The following SPSB1 variants were observed in gnomAD, a reference collection of about 807,000 sequenced individuals.
SPSB1 encodes the protein splA/ryanodine receptor domain and SOCS box containing 1, also known as SPRY domain-containing SOCS box protein 1.
SPSB1 carries 8 observed loss-of-function variants against 21.2 expected under a neutral mutation model. That is an observed-to-expected ratio of 0.38 (90% CI 0.22 to 0.68). The LOEUF (loss-of-function observed/expected upper bound fraction) is 0.68, where lower values mean the gene tolerates loss of function less well. Among genes scored for constraint, SPSB1 ranks in the 30% least tolerant of loss-of-function variants. The pLI, the probability that SPSB1 is intolerant of heterozygous loss-of-function variation, is 0.53. For synonymous variants in SPSB1, 169 were observed against 161.7 expected (o/e 1.05, Z -0.34); for missense variants, 242 against 377.8 (o/e 0.64, Z 2.98).
chr1:9,332,981 G>A (rs553440885), intron 1 of SPSB1, among the ~76,000 whole-genome samples: 40 of 152,366 alleles, frequency 2.6e-4, no homozygotes, highest in Non-Finnish European at 5.1e-4. Context: ...CCTGGGCTCC[G>A]TGGCTGAGAC....
At chr1:9,342,735 G>A (rs182113903) in intron 1 of SPSB1, among the ~76,000 whole-genome samples, 237 of 152,266 alleles carry the variant, frequency 1.6e-3, no homozygotes, top group African/African-American at 5.5e-3. Context: ...GGACTCCTCC[G>A]GAGAAACTCC....
chr1:9,350,042 A>C (rs1029807472), intron 1 of SPSB1, among the ~76,000 whole-genome samples: 6 of 152,026 alleles, frequency 3.9e-5, no homozygotes, highest in African/African-American at 1.4e-4. Flanking sequence ...GACACACCAC[A>C]CACATATACA....
Position 9,346,188 on chromosome 1 carries a change from A to T in SPSB1, c.-149-9555A>T, listed in dbSNP as rs1459230429. 6.6e-6 allele frequency among the ~76,000 whole-genome samples: 1 copy of T among 152,260 alleles called. No homozygotes were observed. The highest frequency in any genetic ancestry group is 1.5e-5 in the Non-Finnish European group (1 of 68,048). On this transcript the variant is annotated intron_variant, in intron 1 of 2. Coordinates refer to ENST00000328089, the MANE Select transcript of SPSB1 (RefSeq NM_025106.4). The surrounding 1 kb of genome is among the most constrained non-coding windows in gnomAD (Gnocchi z 4.4). Reference sequence around the variant, plus strand: ...CCTGGGCTGCCACCACTGATGTGTGAGACGGGGCGGCAGAGGGAGGGAACT... The same window carrying T: ...CCTGGGCTGCCACCACTGATGTGTGTGACGGGGCGGCAGAGGGAGGGAACT...
intron 1 of SPSB1, among the ~76,000 whole-genome samples, chr1:9,304,356 C>T (rs1276109830): frequency 6.6e-6 from 1 of 152,192 alleles, no homozygotes; most frequent in Admixed American, 6.5e-5. Context: ...CCTCCATAAC[C>T]GATGAGCCAG....
rs1222227588 is a variant in SPSB1 at position 9,368,455 on chromosome 1, G to A, written c.*880G>A. The A allele has an allele frequency of 1.3e-5, 2 of 152,244 alleles. No individual in the cohort carries two copies. Among genetic ancestry groups the A allele is most frequent in the South Asian group, 2.1e-4 (1 of 4,826 alleles). The allele number at this position is 152,244 out of a possible 1,614,324, so 9.4% of individuals were successfully genotyped here. ...AAATAGCCTCACGTGCAATCTGGGTGTCTTCGGGGGCCCGTCTGGAAGGGC... is the reference window on the plus strand; with the variant it reads ...AAATAGCCTCACGTGCAATCTGGGTATCTTCGGGGGCCCGTCTGGAAGGGC... On this transcript the variant is annotated 3_prime_UTR_variant, in exon 3 of 3. Transcript: ENST00000328089.
Position 9,305,238 on chromosome 1 carries a change from C to T in SPSB1, c.-150+12167C>T, listed in dbSNP as rs959504486. On this transcript the variant is annotated intron_variant, in intron 1 of 2. Transcript: ENST00000328089. The surrounding 1 kb of genome is among the most constrained non-coding windows in gnomAD (Gnocchi z 4.8). ...GCTGGCCCGTTCCTACCGGCTGGCC[C>T]ATACCCTCTCGCTTCACTTTCCAAA... 6.6e-6 allele frequency among the ~76,000 whole-genome samples: 1 copy of T among 152,230 alleles called. No individual in the cohort carries two copies.
chr1:9,304,286 G>T (rs1639378575), intron 1 of SPSB1, among the ~76,000 whole-genome samples: 1 of 152,166 alleles, frequency 6.6e-6, no homozygotes. Context: ...AGACTTGGCT[G>T]AGCCACACTC....
chr1:9,329,781 C>T (rs1639884802), intron 1 of SPSB1, among the ~76,000 whole-genome samples: 1 of 151,288 alleles, frequency 6.6e-6, no homozygotes, highest in African/African-American at 2.4e-5. Flanking sequence ...ATCTCGGCAT[C>T]GGACACATGG....
intron 2 of SPSB1, among the ~76,000 whole-genome samples, chr1:9,366,974 A>C (rs1267020161): frequency 6.6e-6 from 1 of 152,236 alleles, no homozygotes; most frequent in Non-Finnish European, 1.5e-5. Flanking sequence ...GCGTGCCAGG[A>C]AGAGCTGGCT....
chr1:9,318,864 G>A (rs1557450684), intron 1 of SPSB1, among the ~76,000 whole-genome samples: 1 of 152,168 alleles, frequency 6.6e-6, no homozygotes, highest in Non-Finnish European at 1.5e-5. Flanking sequence ...CAAAAGAGGA[G>A]TCCAGCCTGC....
intron 1 of SPSB1, among the ~76,000 whole-genome samples, chr1:9,306,169 G>A (rs537217164): frequency 4.1e-4 from 62 of 152,326 alleles, no homozygotes; most frequent in Non-Finnish European, 6.9e-4. Context: ...GGCAGGGACT[G>A]AGGGCACCTC....
In SPSB1 at chr1:9,345,024, T is replaced by TTGGG. The variant is rs1168005138; in HGVS notation, c.-149-10718_-149-10715dup. Reference sequence around the variant, plus strand: ...CCCCTATGTCCAAGAGACTGCCTTGTTGGGGGAAAGTGGCAGACTTTGGAT... The same window carrying TTGGG: ...CCCCTATGTCCAAGAGACTGCCTTGTTGGGTGGGGGAAAGTGGCAGACTTTGGAT... On this transcript the variant is annotated intron_variant, in intron 1 of 2. Coordinates refer to ENST00000328089, the MANE Select transcript of SPSB1 (RefSeq NM_025106.4). The surrounding 1 kb of genome is among the most constrained non-coding windows in gnomAD (Gnocchi z 4.8). 1.3e-5 allele frequency among the ~76,000 whole-genome samples: 2 copies of TTGGG among 152,110 alleles called. No homozygotes were observed. The highest frequency in any genetic ancestry group is 4.8e-5 in the African/African-American group (2 of 41,436).
At chr1:9,355,054 TC>T (rs1273133768) in intron 1 of SPSB1, among the ~76,000 whole-genome samples, 2 of 152,130 alleles carry the variant, frequency 1.3e-5, no homozygotes, top group Non-Finnish European at 2.9e-5. Context: ...ATCTAAGAAA[TC>T]CCGGGGGTCG....
At chr1:9,300,821 C>T (rs1570168705) in intron 1 of SPSB1, among the ~76,000 whole-genome samples, 1 of 152,208 alleles carries the variant, frequency 6.6e-6, no homozygotes, top group East Asian at 1.9e-4. Flanking sequence ...CTTACTTTGC[C>T]CACTGCCTTC....
chr1:9,329,812 T>C lies in SPSB1; in HGVS notation c.-149-25931T>C, dbSNP rs542061204. On this transcript the variant is annotated intron_variant, in intron 1 of 2. Transcript: ENST00000328089. ...CATGGCGGTGGGGCCGTGGGGATGG[T>C]AGGCTTGGGTGTGGAGGTAGAAGAG... 2.7e-5 allele frequency among the ~76,000 whole-genome samples: 4 copies of C among 150,796 alleles called. No individual in the cohort carries two copies. In the South Asian group the frequency reaches 6.3e-4, roughly 24 times the overall value.
chr1:9,344,170 G>C (rs925755061), intron 1 of SPSB1, among the ~76,000 whole-genome samples: 32 of 152,310 alleles, frequency 2.1e-4, no homozygotes, highest in African/African-American at 7.0e-4. Flanking sequence ...AAACTGTTGA[G>C]CCATAATTCC....
chr1:9,309,239 C>G (rs915166627), intron 1 of SPSB1, among the ~76,000 whole-genome samples: 2 of 151,164 alleles, frequency 1.3e-5, no homozygotes, highest in African/African-American at 2.4e-5. Context: ...GATCCCCCCT[C>G]AATTCCTGTG....
In SPSB1 at chr1:9,367,521, G is replaced by C; in HGVS notation, c.768G>C (p.Glu256Asp). 1 of 1,613,274 alleles carries C rather than the reference G, an allele frequency of 6.2e-7. No homozygotes were observed. The highest frequency in any genetic ancestry group is 8.5e-7 in the Non-Finnish European group (1 of 1,179,740). The part of the protein sequence containing the change: ...RLALGRERLG[E>D]IHTLPLPASL... The stretch of plus-strand genomic sequence containing the variant: ...CCCTGGGGAGGGAGCGCCTGGGGGA[G>C]ATCCACACGCTGCCGCTGCCGGCTT... The change falls in exon 3 of 3, where the codon GAG (glutamate) becomes GAC (aspartate). Residue 256 changes from glutamate to aspartate, a missense_variant. Glu to Asp is a conservative substitution (Grantham distance 45, BLOSUM62 2). Coordinates refer to ENST00000328089, the MANE Select transcript of SPSB1 (RefSeq NM_025106.4). The surrounding 1 kb of genome is among the most constrained non-coding windows in gnomAD (Gnocchi z 5.9).
chr1:9,315,991 G>T (rs1639607290), intron 1 of SPSB1, among the ~76,000 whole-genome samples: 1 of 152,244 alleles, frequency 6.6e-6, no homozygotes. Flanking sequence ...GGGGCCTCTT[G>T]GCAGACGGGT....
Sources: allele counts gnomAD v4.1 joint callset (sites outside exome capture counted in the v4.1 genomes callset), GRCh38; gene constraint gnomAD v4.1.1; non-coding constraint Gnocchi (gnomAD v3.1); transcripts MANE v1.5; gene names NCBI Gene and HGNC (gene_info 2026-07-23, HGNC 2026-07-21).